TEX9: variants seen among roughly 807,000 people sequenced by gnomAD.
The protein encoded by TEX9 is testis-expressed protein 9.
Under a neutral mutation model 59.6 loss-of-function variants are expected in TEX9, and 74 were observed. The ratio of observed to expected loss-of-function variants is 1.24; its 90% CI spans 1.03 to 1.51. The LOEUF is 1.51. Ranked by LOEUF, TEX9 falls within the 40% of genes most tolerant of loss-of-function variation. The pLI is 0.00. For missense variants in TEX9, 522 were observed against 447.8 expected, an observed-to-expected ratio of 1.17 and a Z score of -1.49; for synonymous variants, 186 against 152.2, an observed-to-expected ratio of 1.22 and a Z score of -1.64.
At chr15:56,421,016 G>C (rs1175008959) in intron 10 of TEX9, among the ~76,000 whole-genome samples, 1 of 151,826 alleles carries the variant, frequency 6.6e-6, no homozygotes, top group Non-Finnish European at 1.5e-5. Context: ...TGTGCATTCT[G>C]TATTTGTTAG....
At chr15:56,270,123 T>C (rs1166298948) in intron 1 of TEX9, among the ~76,000 whole-genome samples, 2 of 152,198 alleles carry the variant, frequency 1.3e-5, no homozygotes, top group Non-Finnish European at 2.9e-5. Context: ...GTATATTCTG[T>C]TGATTTGAGG....
chr15:56,351,635 G>A (rs2046582669), intron 1 of TEX9, among the ~76,000 whole-genome samples: 1 of 152,068 alleles, frequency 6.6e-6, no homozygotes, highest in Admixed American at 6.6e-5. Context: ...GCAAGAAAAA[G>A]GCCTAGCTAC....
At chr15:56,317,906 T>G (rs2045814375) in intron 1 of TEX9, among the ~76,000 whole-genome samples, 1 of 152,208 alleles carries the variant, frequency 6.6e-6, no homozygotes, top group Non-Finnish European at 1.5e-5. Context: ...GCCTAACATA[T>G]GATCTTTTCT....
intron 10 of TEX9, among the ~76,000 whole-genome samples, chr15:56,415,240 G>A (rs1250273741): frequency 6.6e-6 from 1 of 151,734 alleles, no homozygotes; most frequent in African/African-American, 2.4e-5. Flanking sequence ...TTTAGTTTAA[G>A]TAGATCCCAC....
chr15:56,285,933 G>A (rs1430458840), intron 1 of TEX9, among the ~76,000 whole-genome samples: 1 of 152,124 alleles, frequency 6.6e-6, no homozygotes, highest in Non-Finnish European at 1.5e-5. Context: ...AATCACCATG[G>A]ATTGAAATAG....
exon 10 of TEX9, chr15:56,412,336 C>G: frequency 1.2e-6 from 2 of 1,613,012 alleles, no homozygotes; most frequent in South Asian, 2.2e-5. Flanking sequence ...CAAAAACAGG[C>G]TGCAAGTAGT....
At chr15:56,412,496 A>G (rs2049407560) in intron 10 of TEX9, 60 bp downstream of exon 10, 1 of 1,495,740 alleles carries the variant, frequency 6.7e-7, no homozygotes, top group African/African-American at 1.4e-5. Flanking sequence ...TCTTTTATGA[A>G]CATGTCAAAA....
downstream of TEX9, chr15:56,447,017 A>T: frequency 1.0e-6 from 1 of 1,003,244 alleles, no homozygotes; most frequent in Non-Finnish European, 1.5e-6. Context: ...AAACTGAGTA[A>T]CTGTATTTTT....
intron 3 of TEX9, among the ~76,000 whole-genome samples, chr15:56,382,407 C>T (rs1218543386): frequency 6.6e-6 from 1 of 152,144 alleles, no homozygotes; most frequent in African/African-American, 2.4e-5. Context: ...TTACTTTTCC[C>T]TTTGCTTTCA....
At chr15:56,334,432 G>A (rs1453490011) in intron 1 of TEX9, among the ~76,000 whole-genome samples, 35 of 152,090 alleles carry the variant, frequency 2.3e-4, no homozygotes, top group Admixed American at 2.0e-4. Context: ...TTAATAAATC[G>A]TGCTGGAAAA....
chr15:56,456,655 ATGT>A, the TEX9 span: 4 of 912,004 alleles, frequency 4.4e-6, no homozygotes, highest in Non-Finnish European at 6.5e-6. Context: ...AAAATACAAA[ATGT>A]TGTTTCAATA....
intron 12 of TEX9, among the ~76,000 whole-genome samples, chr15:56,433,390 C>T (rs1567146991): frequency 6.7e-6 from 1 of 148,220 alleles, no homozygotes. Context: ...AACAAACCTG[C>T]ATGTTCTGCA....
intron 1 of TEX9, among the ~76,000 whole-genome samples, chr15:56,348,064 G>A (rs1448004835): frequency 6.6e-6 from 1 of 152,062 alleles, no homozygotes; most frequent in African/African-American, 2.4e-5. Context: ...TACCTTGTCT[G>A]TATCGATGTC....
At position 56,314,843 on chromosome 15, in the gene TEX9, G is replaced by T. The variant is rs1198029970; in HGVS notation, c.-106-58598G>T. The stretch of plus-strand genomic sequence containing the variant: ...ATGAATCTGGGTGCTCCAGTGTTGG[G>T]TGCATATATATTTAGGATAGTTAGC... On this transcript the variant is annotated intron_variant, in intron 1 of 5. Coordinates refer to the TEX9 transcript ENST00000560827. Among the ~76,000 whole-genome samples, 170 of 151,994 alleles carry T rather than the reference G, an allele frequency of 1.1e-3. 1 individual carries two copies. Among genetic ancestry groups the T allele is most frequent in the African/African-American group, 3.8e-3 (156 of 41,510 alleles).
In TEX9 at chr15:56,434,251, C is replaced by G. The variant is rs145161862; in HGVS notation, c.*29+5778C>G. ...GCATTCATTAATTCTATTCGATCAT[C>G]CTCAGCAAATTTAGCTAGCATAGTT... is the stretch of plus-strand genomic sequence containing the variant. On this transcript the variant is annotated intron_variant, in intron 12 of 12. Coordinates refer to ENST00000352903, the Ensembl canonical transcript of TEX9. 122 of 1,613,906 alleles carry G rather than the reference C, an allele frequency of 7.6e-5. No individual in the cohort carries two copies. In the African/African-American group the frequency reaches 1.4e-3, roughly 18 times the overall value.
chr15:56,368,283 C>T (rs1037575040), intron 2 of TEX9, among the ~76,000 whole-genome samples: 4 of 151,986 alleles, frequency 2.6e-5, no homozygotes, highest in Admixed American at 1.3e-4. Context: ...ACTACAAAGG[C>T]AGGTTTCTTG....
At chr15:56,413,174 T>A (rs1236326015) in intron 10 of TEX9, among the ~76,000 whole-genome samples, 2 of 50,936 alleles carry the variant, frequency 3.9e-5, no homozygotes, top group African/African-American at 5.9e-5. Flanking sequence ...TAATAATTTT[T>A]AAATTCTATT....
chr15:56,277,882 G>T (rs554600007), intron 1 of TEX9, among the ~76,000 whole-genome samples: 1 of 152,214 alleles, frequency 6.6e-6, no homozygotes, highest in Admixed American at 6.5e-5. Context: ...CCAATTTGTG[G>T]AAAGACAATA....
At chr15:56,385,415 A>C (rs759055596) in intron 4 of TEX9, among the ~76,000 whole-genome samples, 5 of 152,254 alleles carry the variant, frequency 3.3e-5, no homozygotes, top group Middle Eastern at 3.4e-3. Flanking sequence ...TTTTCAGTGG[A>C]TTAAGGCTCC....
Sources: allele counts gnomAD v4.1 joint callset (sites outside exome capture counted in the v4.1 genomes callset), GRCh38; gene constraint gnomAD v4.1.1; transcripts MANE v1.5; gene names NCBI Gene and HGNC (gene_info 2026-07-23, HGNC 2026-07-21).